AOPEP: variants seen among roughly 807,000 people sequenced by gnomAD.
AOPEP encodes aminopeptidase O.
AOPEP carries 77 observed loss-of-function variants against 98.1 expected under a neutral mutation model. That is an observed-to-expected ratio of 0.78 (90% confidence interval 0.65 to 0.95). AOPEP has a LOEUF of 0.95. AOPEP is among the 40% of genes least tolerant of loss of function. The probability of loss-of-function intolerance (pLI) is 0.00; values close to 1 mark genes in which losing one functional copy is unlikely to be tolerated. For synonymous variants in AOPEP, 346 were observed against 365.3 expected (o/e 0.95, Z 0.60); for missense variants, 1,024 against 1,024.7 (o/e 1.00, Z 0.01).
the AOPEP span, among the ~76,000 whole-genome samples, chr9:95,107,725 G>A: frequency 1.1e-4 from 17 of 152,198 alleles, no homozygotes; most frequent in African/African-American, 3.1e-4. Context: ...GGGTCAGGGC[G>A]GGGGGTCGGG....
intron 5 of AOPEP, among the ~76,000 whole-genome samples, chr9:94,829,383 G>A (rs541249681): frequency 1.3e-5 from 2 of 152,246 alleles, no homozygotes; most frequent in South Asian, 4.1e-4. Flanking sequence ...AAGAAGTGAA[G>A]CCATTGTCTA....
intron 11 of AOPEP, among the ~76,000 whole-genome samples, chr9:94,999,914 G>C (rs2061454590): frequency 6.6e-6 from 1 of 152,172 alleles, no homozygotes; most frequent in South Asian, 2.1e-4. Context: ...CATTGTACAT[G>C]TTCCCTCAGT....
the AOPEP span, chr9:95,101,628 G>A: frequency 6.4e-7 from 1 of 1,572,554 alleles, no homozygotes; most frequent in Non-Finnish European, 8.7e-7. Flanking sequence ...ACAAATGCGT[G>A]GCCACAGGTC....
intron 5 of AOPEP, among the ~76,000 whole-genome samples, chr9:94,888,748 G>T (rs1245269606): frequency 6.6e-6 from 1 of 152,154 alleles, no homozygotes; most frequent in Non-Finnish European, 1.5e-5. Flanking sequence ...AACGTGTTTA[G>T]TCCTTAGTTC....
At position 94,924,002 on chromosome 9, in the gene AOPEP, C is replaced by T. The variant is rs1380580571; in HGVS notation, c.1381C>T (p.Leu461Phe). 2.7e-6 allele frequency: 4 copies of T among 1,467,596 alleles called. No homozygotes were observed. Among genetic ancestry groups the T allele is most frequent in the African/African-American group, 2.9e-5 (2 of 70,012 alleles). The allele number at this position is 1,467,596 out of a possible 1,614,324, so 90.9% of individuals were successfully genotyped here. A position where few individuals can be genotyped will look rare whatever the true frequency, so the allele number is the denominator to read the frequency against. The change falls in exon 6 of 17, where the codon CTC becomes TTC. Residue 461 changes from leucine (L) to phenylalanine (F), a missense_variant. By Grantham distance (22) the Leu-to-Phe change is conservative (BLOSUM62 0). This residue lies in a region of AOPEP where 566 missense variants were observed against 551.7 expected (regional missense o/e 1.03). Transcript: ENST00000375315. ...LGMASPHIMFLSQSILTGGNH... is the reference protein window; with the variant it reads ...LGMASPHIMFFSQSILTGGNH... ...TATCCACAGCCCACACATCATGTTC[C>T]TCTCTCAGAGCATCTTGACAGGAGG...
At chr9:94,758,213 A>G (rs1020639412) in intron 1 of AOPEP, among the ~76,000 whole-genome samples, 49 of 152,200 alleles carry the variant, frequency 3.2e-4, no homozygotes, top group Admixed American at 3.1e-3. Flanking sequence ...GGTCTAGCAC[A>G]TGGGTTAGTC....
chr9:94,739,672 GT>G (rs1489657919), intron 1 of AOPEP, among the ~76,000 whole-genome samples: 5 of 151,598 alleles, frequency 3.3e-5, no homozygotes, highest in Admixed American at 6.6e-5. Flanking sequence ...GATTTGGAGT[GT>G]TTACAATTGT....
chr9:94,990,957 A>G (rs1564491723), intron 11 of AOPEP, among the ~76,000 whole-genome samples: 1 of 152,058 alleles, frequency 6.6e-6, no homozygotes, highest in Non-Finnish European at 1.5e-5. Flanking sequence ...TTGACATTGC[A>G]CTCTTCCCAC....
At chr9:94,968,281 C>T (rs2059330713) in intron 10 of AOPEP, among the ~76,000 whole-genome samples, 1 of 152,198 alleles carries the variant, frequency 6.6e-6, no homozygotes, top group Non-Finnish European at 1.5e-5. Flanking sequence ...TGGAGTGTCA[C>T]TCTGTCACCC....
At chr9:95,080,583 G>T in intron 14 of AOPEP, 111 bp from the exon 15 acceptor site, 1 of 709,826 alleles carries the variant, frequency 1.4e-6, no homozygotes, top group Non-Finnish European at 2.5e-6. Context: ...AACAATGCCA[G>T]CCCATTTGAG....
At chr9:94,791,012 C>T (rs1347241585) in intron 3 of AOPEP, among the ~76,000 whole-genome samples, 2 of 152,086 alleles carry the variant, frequency 1.3e-5, no homozygotes, top group African/African-American at 2.4e-5. Context: ...AAGTTCCTCC[C>T]TATGGGAACA....
At chr9:95,006,004 TA>T (rs2061984742) in intron 13 of AOPEP, 3 of 479,484 alleles carry the variant, frequency 6.3e-6, no homozygotes, top group Non-Finnish European at 8.6e-6. Flanking sequence ...ACCTAGACTT[TA>T]AATTGGAGTC....
intron 13 of AOPEP, among the ~76,000 whole-genome samples, chr9:95,035,849 G>C (rs543120882): frequency 4.6e-5 from 7 of 151,662 alleles, no homozygotes; most frequent in Admixed American, 3.9e-4. Context: ...TAAAGAAATT[G>C]CTGTGTGGCC....
intron 13 of AOPEP, chr9:95,019,998 C>T (rs562407728): frequency 6.6e-6 from 1 of 152,394 alleles, no homozygotes; most frequent in East Asian, 1.9e-4. Flanking sequence ...TTCAGTTGAG[C>T]ACTTTGTTTG....
intron 13 of AOPEP, among the ~76,000 whole-genome samples, chr9:95,052,062 AG>A (rs1463357664): frequency 6.6e-6 from 1 of 152,220 alleles, no homozygotes; most frequent in Non-Finnish European, 1.5e-5. Context: ...TTGAGGAATG[AG>A]AACCACTCCT....
Position 94,792,911 on chromosome 9 carries a change from A to G in AOPEP, c.1111A>G (p.Asn371Asp), listed in dbSNP as rs765391559. 2.8e-5 allele frequency: 45 copies of G among 1,606,796 alleles called. No individual in the cohort carries two copies. Among genetic ancestry groups the G allele is most frequent in the Non-Finnish European group, 1.7e-6 (2 of 1,176,378 alleles). Reference sequence around the variant, plus strand: ...GAGACCCTTCTCACCTTCTGAGGCCAACTTCAGGTTTGTGTTTGGGGACTT... The same window carrying G: ...GAGACCCTTCTCACCTTCTGAGGCCGACTTCAGGTTTGTGTTTGGGGACTT... ...TERPFSPSEA[N>D]FRHVGVCSHM... Residue 371 changes from asparagine to aspartate, a missense_variant, in exon 4 of 17, where the codon AAC becomes GAC. Asn to Asp is a conservative substitution (Grantham distance 23). Transcript: ENST00000375315.
chr9:94,821,207 G>A (rs984219913), intron 5 of AOPEP, among the ~76,000 whole-genome samples: 62 of 152,220 alleles, frequency 4.1e-4, no homozygotes, highest in African/African-American at 1.4e-3. Context: ...TGGTGCCTTG[G>A]CGTTGAGTGA....
chr9:95,117,222 T>A, the AOPEP span: 1 of 1,085,786 alleles, frequency 9.2e-7, no homozygotes, highest in South Asian at 1.3e-5. Context: ...GTCTCCCTCA[T>A]GCTGTAGATA....
intron 5 of AOPEP, among the ~76,000 whole-genome samples, chr9:94,916,434 C>T (rs2052802442): frequency 6.6e-6 from 1 of 152,046 alleles, no homozygotes; most frequent in Non-Finnish European, 1.5e-5. Flanking sequence ...TGTTCAGGGC[C>T]AGGCTCATGC....
Sources: allele counts gnomAD v4.1 joint callset (sites outside exome capture counted in the v4.1 genomes callset), GRCh38; gene constraint gnomAD v4.1.1; regional missense constraint gnomAD v4.1.1; transcripts MANE v1.5; gene names NCBI Gene and HGNC (gene_info 2026-07-23, HGNC 2026-07-21).